Variants in TJP2 observed in about 807,000 individuals in gnomAD.
TJP2 encodes Friedreich ataxia region gene X104 (tight junction protein ZO-2).
A neutral mutation model predicts 133.1 loss-of-function variants in TJP2; 91 were observed. The ratio of observed to expected loss-of-function variants is 0.68; its 90% CI spans 0.58 to 0.81. The LOEUF is 0.81. TJP2 is among the 40% of genes least tolerant of loss of function. The pLI is 0.00. For missense variants in TJP2, 1,541 were observed against 1,565.6 expected (o/e 0.98, Z 0.26); for synonymous variants, 592 against 583.4 (o/e 1.01, Z -0.21).
rs938098189 is a variant in TJP2 at position 69,174,299 on chromosome 9, A to G, written c.-74A>G. The G allele has an allele frequency of 1.3e-6, 2 of 1,549,664 alleles. No individual in the cohort carries two copies. The highest frequency in any genetic ancestry group is 1.4e-5 in the African/African-American group (1 of 72,962). On this transcript the variant is annotated 5_prime_UTR_variant, in exon 1 of 23. Transcript: ENST00000377245. The stretch of plus-strand genomic sequence containing the variant: ...GTCAGAGCACTGTCCGGTGGTGCCC[A>G]GGAGGAGTAGGAGCAGGAGCAGAAG...
rs528497678 is a variant in TJP2, at chr9:69,127,315, T to C, written c.-131+5590T>C. Among the ~76,000 whole-genome samples the C allele has an allele frequency of 3.3e-3, 250 of 74,640 alleles. 90 individuals carry two copies. The highest frequency in any genetic ancestry group is 9.6e-3 in the African/African-American group (235 of 24,400). 49.0% of individuals were successfully genotyped at this position (74,640 alleles called of 152,430 possible). ...CGATCTCCTGACCTCGTGATCCGCCTGCCTCAGCCTCCCAAAGTGTTGGAA... is the reference window on the plus strand; with the variant it reads ...CGATCTCCTGACCTCGTGATCCGCCCGCCTCAGCCTCCCAAAGTGTTGGAA... On this transcript the variant is annotated intron_variant, in intron 1 of 5. Coordinates refer to the TJP2 transcript ENST00000423935.
rs373515581 is a variant in TJP2 at position 69,221,223 on chromosome 9, C to A, written c.679C>A (p.His227Asn). 4.2e-5 allele frequency: 67 copies of A among 1,605,776 alleles called. No homozygotes were observed. Among genetic ancestry groups the A allele is most frequent in the Non-Finnish European group, 5.6e-5 (66 of 1,176,560 alleles). Reference protein sequence around the residue: ...RGRSLERGLDHDFGPSRDRDR... With the variant: ...RGRSLERGLDNDFGPSRDRDR... ...CCGGAGCCTGGAGCGGGGCCTGGACCACGACTTTGGGCCATCCCGGGACCG... is the reference window on the plus strand; with the variant it reads ...CCGGAGCCTGGAGCGGGGCCTGGACAACGACTTTGGGCCATCCCGGGACCG... Residue 227 changes from histidine to asparagine, a missense_variant, in exon 5 of 23, where the codon CAC (histidine) becomes AAC (asparagine). Physicochemically the swap from His to Asn is moderately conservative, Grantham distance 68 (BLOSUM62 1). Coordinates refer to ENST00000377245, the MANE Select transcript of TJP2 (RefSeq NM_004817.4).
At chr9:69,238,942 C>CT (rs1238923499) in intron 16 of TJP2, among the ~76,000 whole-genome samples, 153 bp downstream of exon 16, 1 of 151,750 alleles carries the variant, frequency 6.6e-6, no homozygotes, top group Non-Finnish European at 1.5e-5. Context: ...AATCCCAACA[C>CT]TTTGAGAGGC....
chr9:69,249,839 A>T (rs180795380), intron 20 of TJP2: 26 of 793,612 alleles, frequency 3.3e-5, no homozygotes, highest in Middle Eastern at 6.7e-4. Context: ...TGTCCAGCTA[A>T]AGTTTTCTGC....
intron 1 of TJP2, among the ~76,000 whole-genome samples, chr9:69,192,781 T>A (rs1365637125): frequency 2.0e-5 from 3 of 152,064 alleles, no homozygotes; most frequent in Non-Finnish European, 4.4e-5. Context: ...ATGGGTTGCT[T>A]TATTCATTCC....
chr9:69,198,740 A>G (rs1474263577), intron 1 of TJP2, among the ~76,000 whole-genome samples: 4 of 152,192 alleles, frequency 2.6e-5, no homozygotes, highest in Admixed American at 2.6e-4. Context: ...TTGTGAAGGG[A>G]GGGTAAGGAG....
intron 10 of TJP2, 79 bp downstream of exon 10, chr9:69,229,329 G>A (rs1045038006): frequency 4.8e-6 from 7 of 1,457,518 alleles, no homozygotes; most frequent in Non-Finnish European, 6.7e-6. Flanking sequence ...AAGAGTGGTG[G>A]TTTTTGCCTA....
rs727505291 is a variant in TJP2 at position 69,252,903 on chromosome 9, A to G, written c.3407+3A>G. 5.9e-5 allele frequency: 96 copies of G among 1,614,128 alleles called. No homozygotes were observed. In the East Asian group the frequency reaches 2.0e-3, roughly 34 times the overall value. On this transcript the variant is annotated splice_donor_region_variant and intron_variant, in intron 22 of 22. Coordinates refer to ENST00000377245, the MANE Select transcript of TJP2 (RefSeq NM_004817.4). The stretch of plus-strand genomic sequence containing the variant: ...CCTGGCACGCCCCAGCACACGAGGT[A>G]AGGGCTGCCTAGTGGGTACAGGTCT...
At chr9:69,227,642 A>G (rs1442373071) in intron 7 of TJP2, 123 bp from the exon 8 acceptor site, 3 of 696,198 alleles carry the variant, frequency 4.3e-6, no homozygotes, top group Non-Finnish European at 7.3e-6. Context: ...GACTAATAGC[A>G]CATTTCCTGC....
intron 2 of TJP2, among the ~76,000 whole-genome samples, chr9:69,158,689 G>A (rs1823900290): frequency 6.6e-6 from 1 of 152,112 alleles, no homozygotes; most frequent in Admixed American, 6.6e-5. Context: ...CTGGCCTCAA[G>A]CAATCCTCCT....
intron 1 of TJP2, chr9:69,151,540 C>T (rs939997280): frequency 2.7e-6 from 3 of 1,128,540 alleles, no homozygotes; most frequent in Non-Finnish European, 3.4e-6. Flanking sequence ...TACTAAAAGC[C>T]ATCCTAAAAA....
At chr9:69,174,137 T>G (rs570811707), upstream of TJP2, 3 of 1,248,080 alleles carry the variant, frequency 2.4e-6, no homozygotes, top group Non-Finnish European at 3.0e-6. Flanking sequence ...GCGGCCAATT[T>G]GACAGTTTCC....
chr9:69,210,656 G>T (rs1205054021), intron 1 of TJP2, among the ~76,000 whole-genome samples: 2 of 151,622 alleles, frequency 1.3e-5, no homozygotes, highest in Admixed American at 6.6e-5. Flanking sequence ...TGCGTCCCTG[G>T]CACCCCAGGC....
chr9:69,141,658 C>G (rs528308692), intron 1 of TJP2, among the ~76,000 whole-genome samples: 75 of 152,202 alleles, frequency 4.9e-4, no homozygotes, highest in Non-Finnish European at 9.8e-4. Flanking sequence ...GTGTCATGAT[C>G]TTGGCTCACT....
chr9:69,238,516 C>T (rs1427088792), intron 15 of TJP2, among the ~76,000 whole-genome samples, 194 bp from the exon 16 acceptor site: 2 of 152,138 alleles, frequency 1.3e-5, no homozygotes, highest in African/African-American at 4.8e-5. Context: ...TCCTAGAATG[C>T]TTCCTGTTGG....
At chr9:69,129,262 G>A (rs1291700516) in intron 1 of TJP2, among the ~76,000 whole-genome samples, 2 of 152,178 alleles carry the variant, frequency 1.3e-5, no homozygotes, top group African/African-American at 4.8e-5. Flanking sequence ...GGTGGTTCAT[G>A]CCTGTAATAC....
intron 11 of TJP2, among the ~76,000 whole-genome samples, 156 bp from the exon 12 acceptor site, chr9:69,234,283 C>T (rs913029036): frequency 1.3e-5 from 2 of 152,050 alleles, no homozygotes; most frequent in Admixed American, 1.3e-4. Flanking sequence ...ACATTAAGGA[C>T]TCATTTGCAT....
chr9:69,196,425 C>G (rs1826563568), intron 1 of TJP2, among the ~76,000 whole-genome samples: 1 of 152,072 alleles, frequency 6.6e-6, no homozygotes. Flanking sequence ...TCTACATGCA[C>G]TGTCTGATTA....
chr9:69,139,294 T>C (rs1822912412), intron 1 of TJP2, among the ~76,000 whole-genome samples: 1 of 152,206 alleles, frequency 6.6e-6, no homozygotes, highest in Admixed American at 6.5e-5. Context: ...ACCTCCAAAA[T>C]TTCTATGTTC....
Sources: gnomAD v4.1 joint callset for allele counts (sites outside exome capture counted in the v4.1 genomes callset) on GRCh38, gnomAD v4.1.1 for gene constraint, MANE v1.5 for transcripts, NCBI Gene and HGNC (gene_info 2026-07-23, HGNC 2026-07-21) for gene names.